TBCD: variants seen among roughly 807,000 people sequenced by gnomAD.
TBCD encodes the protein tubulin folding cofactor D.
A neutral mutation model predicts 169.3 loss-of-function variants in TBCD; 105 were observed. The ratio of observed to expected loss-of-function variants is 0.62; its 90% CI spans 0.53 to 0.73. The LOEUF is 0.73. TBCD is among the 30% of genes least tolerant of loss of function. The pLI, the probability that TBCD is intolerant of heterozygous loss-of-function variation, is 0.00. For missense variants in TBCD, 1,444 were observed against 1,600.1 expected, an observed-to-expected ratio of 0.90 and a Z score of 1.66; for synonymous variants, 700 against 643.9, an observed-to-expected ratio of 1.09 and a Z score of -1.32.
chr17:82,850,857 C>G (rs995219075), intron 13 of TBCD, among the ~76,000 whole-genome samples: 5 of 152,118 alleles, frequency 3.3e-5, no homozygotes, highest in African/African-American at 1.2e-4. Context: ...ATGGACAGAC[C>G]CGGTATCCTC....
At chr17:82,753,820 GAA>G (rs2047249912) in intron 1 of TBCD, among the ~76,000 whole-genome samples, 1 of 151,342 alleles carries the variant, frequency 6.6e-6, no homozygotes, top group African/African-American at 2.4e-5. Flanking sequence ...TTGCCATGGA[GAA>G]GATTTAGTTC....
chr17:82,769,488 A>G (rs750796599), intron 5 of TBCD, among the ~76,000 whole-genome samples: 1 of 152,220 alleles, frequency 6.6e-6, no homozygotes, highest in Non-Finnish European at 1.5e-5. Context: ...TGACTGCGAC[A>G]GCCCTGGTCA....
At chr17:82,936,201 C>T (rs1236366655) in intron 34 of TBCD, among the ~76,000 whole-genome samples, 1 of 152,234 alleles carries the variant, frequency 6.6e-6, no homozygotes, top group Non-Finnish European at 1.5e-5. Context: ...TCTCTCTTTG[C>T]TTCATTACCT....
chr17:82,852,162 C>G (rs2055848423), intron 13 of TBCD, among the ~76,000 whole-genome samples: 1 of 138,322 alleles, frequency 7.2e-6, no homozygotes, highest in Non-Finnish European at 1.6e-5. Flanking sequence ...GATAAACCCC[C>G]CCTCCTAGAC....
intron 7 of TBCD, among the ~76,000 whole-genome samples, chr17:82,787,098 C>G (rs936057304): frequency 2.6e-5 from 4 of 152,268 alleles, no homozygotes; most frequent in African/African-American, 9.6e-5. Context: ...ATTCGTTTTT[C>G]CCCTTCCTCC....
chr17:82,825,935 C>T (rs555972106), intron 13 of TBCD, among the ~76,000 whole-genome samples: 147 of 152,324 alleles, frequency 9.7e-4, no homozygotes, highest in East Asian at 3.1e-3. Flanking sequence ...CACTGCACTC[C>T]GGCCTGGGCC....
chr17:82,832,212 G>T lies in TBCD; in HGVS notation c.1318+17278G>T, dbSNP rs1298301420. 3 of 1,614,240 alleles carry T rather than the reference G, an allele frequency of 1.9e-6. No individual in the cohort carries two copies. Among genetic ancestry groups the T allele is most frequent in the Non-Finnish European group, 2.5e-6 (3 of 1,180,052 alleles). On this transcript the variant is annotated intron_variant, in intron 13 of 38. Coordinates refer to ENST00000355528, the MANE Select transcript of TBCD (RefSeq NM_005993.5). This position sits in a 1 kb window ranked among gnomAD's most constrained non-coding sequence, Gnocchi z 4.9. ...ACTTGGAAGAGGCTGGCTTCGCCGT[G>T]GCATCGGGCTGGTTGGTTTGCTTGG...
chr17:82,766,347 T>A lies in TBCD; in HGVS notation c.414T>A (p.Ile138=), dbSNP rs2048014014. The change falls in exon 4 of 39, where the codon ATT becomes ATA. Residue 138 remains isoleucine, a synonymous_variant. Coordinates refer to ENST00000355528, the MANE Select transcript of TBCD (RefSeq NM_005993.5). ...AGCCTGTTTTAGATTTGGTCACAAT[T>A]CAGAATCCCAAGGACCATGAAGTGA... ...DVEPVLDLVT[I]QNPKDHEAWE... is the part of the protein sequence containing the mutation. 2 of 1,612,664 alleles carry A rather than the reference T, an allele frequency of 1.2e-6. No homozygotes were observed. Among genetic ancestry groups the A allele is most frequent in the South Asian group, 2.2e-5 (2 of 90,686 alleles).
At chr17:82,815,137 G>C (rs2051771933) in intron 13 of TBCD, among the ~76,000 whole-genome samples, 1 of 152,240 alleles carries the variant, frequency 6.6e-6, no homozygotes, top group Non-Finnish European at 1.5e-5. Flanking sequence ...GCCCAGAAGA[G>C]CTTGAGAACA....
At position 82,839,932 on chromosome 17, in the gene TBCD, G is replaced by C. The variant is rs1876691125; in HGVS notation, c.1318+24998G>C. ...AAGAAATAGTGAGTACTTACCAGAG[G>C]TGGGCAGTGCTGGGATGTGGCCGGT... On this transcript the variant is annotated intron_variant, in intron 13 of 38. Transcript: ENST00000355528. The C allele has an allele frequency of 2.0e-5, 3 of 152,610 alleles. No individual in the cohort carries two copies. The South Asian group carries it at 6.2e-4, about 32-fold the overall frequency. 9.5% of individuals were successfully genotyped at this position (152,610 alleles called of 1,614,324 possible).
chr17:82,844,328 G>A (rs887775620), intron 13 of TBCD, among the ~76,000 whole-genome samples: 5 of 151,866 alleles, frequency 3.3e-5, no homozygotes, highest in African/African-American at 1.2e-4. Flanking sequence ...GGGTAGCTGG[G>A]ACTGCAGGAG....
intron 14 of TBCD, among the ~76,000 whole-genome samples, chr17:82,878,468 G>A (rs1293189551): frequency 6.6e-6 from 1 of 152,132 alleles, no homozygotes; most frequent in Non-Finnish European, 1.5e-5. Flanking sequence ...CTCCAGAGAC[G>A]ACTGGCCAGA....
At chr17:82,914,926 C>T (rs879434073) in intron 23 of TBCD, among the ~76,000 whole-genome samples, 13 of 152,346 alleles carry the variant, frequency 8.5e-5, no homozygotes, top group Non-Finnish European at 1.5e-4. Flanking sequence ...GTCTTGGCCC[C>T]GCATCTCCCA....
intron 13 of TBCD, among the ~76,000 whole-genome samples, chr17:82,865,966 G>T (rs1411089715): frequency 6.6e-6 from 1 of 152,210 alleles, no homozygotes; most frequent in Admixed American, 6.5e-5. Context: ...GCCTCCTGGG[G>T]TGTGTTCTAT....
chr17:82,821,636 C>A (rs1395276236), intron 13 of TBCD, among the ~76,000 whole-genome samples: 1 of 152,190 alleles, frequency 6.6e-6, no homozygotes, highest in Non-Finnish European at 1.5e-5. Flanking sequence ...CTACCCCTTC[C>A]CCCAGAAGGT....
At chr17:82,870,181 G>T (rs3744161) in intron 13 of TBCD, 43 bp from the exon 14 acceptor site, 3 of 1,609,804 alleles carry the variant, frequency 1.9e-6, no homozygotes, top group South Asian at 1.1e-5. Context: ...CGTGTTGCCC[G>T]TGTGGTCTGC....
intron 27 of TBCD, 63 bp from the exon 28 acceptor site, chr17:82,926,337 C>A: frequency 6.6e-7 from 1 of 1,516,938 alleles, no homozygotes; most frequent in Admixed American, 1.7e-5. Flanking sequence ...ACATTGCCAC[C>A]TCCCTAAAGA....
chr17:82,846,588 A>G (rs1194821463), intron 13 of TBCD, among the ~76,000 whole-genome samples: 1 of 152,154 alleles, frequency 6.6e-6, no homozygotes, highest in Non-Finnish European at 1.5e-5. Context: ...GATTTCGGAG[A>G]TGGTGGTACA....
At chr17:82,887,189 T>TCG (rs1360492538) in intron 15 of TBCD, among the ~76,000 whole-genome samples, 2 of 128,170 alleles carry the variant, frequency 1.6e-5, no homozygotes, top group Admixed American at 1.5e-4. Flanking sequence ...GCACGTGCGC[T>TCG]CACGCGTTTA....
Sources: allele counts gnomAD v4.1 joint callset (sites outside exome capture counted in the v4.1 genomes callset), GRCh38; gene constraint gnomAD v4.1.1; non-coding constraint Gnocchi (gnomAD v3.1); transcripts MANE v1.5; gene names NCBI Gene and HGNC (gene_info 2026-07-23, HGNC 2026-07-21).